Variants in LRCH3 observed in about 807,000 individuals in gnomAD.
LRCH3 encodes leucine rich repeats and calponin homology domain containing 3.
A neutral mutation model predicts 104.5 loss-of-function variants in LRCH3; 68 were observed. That is an observed-to-expected ratio of 0.65 (90% CI 0.54 to 0.80). The LOEUF (loss-of-function observed/expected upper bound fraction) is 0.80, where lower values mean the gene tolerates loss of function less well. Among genes scored for constraint, LRCH3 ranks in the 30% least tolerant of loss-of-function variants. The pLI is 0.00. For synonymous variants in LRCH3, 344 were observed against 361.3 expected (o/e 0.95, Z 0.54); for missense variants, 951 against 953.9 (o/e 1.00, Z 0.04).
intron 8 of LRCH3, among the ~76,000 whole-genome samples, chr3:197,832,723 C>G (rs890529568): frequency 6.7e-6 from 1 of 148,830 alleles, no homozygotes; most frequent in Non-Finnish European, 1.5e-5. Context: ...TTTTCTTCAC[C>G]TGGAATTGTC....
intron 4 of LRCH3, among the ~76,000 whole-genome samples, chr3:197,820,662 A>G (rs866591386): frequency 6.6e-6 from 1 of 152,216 alleles, no homozygotes; most frequent in Non-Finnish European, 1.5e-5. Flanking sequence ...TTAACAAATT[A>G]GCCCAGGGGG....
intron 10 of LRCH3, among the ~76,000 whole-genome samples, chr3:197,846,544 T>TAAA (rs74615885): frequency 7.4e-6 from 1 of 135,840 alleles, no homozygotes. Context: ...ACAGAAAAAT[T>TAAA]AAAAAAAAAA....
At chr3:197,852,683 T>C in intron 13 of LRCH3, 63 bp downstream of exon 13, 1 of 1,497,564 alleles carries the variant, frequency 6.7e-7, no homozygotes, top group Non-Finnish European at 9.3e-7. Context: ...ATGAAATGTT[T>C]ACATGTAATT....
chr3:197,844,881 A>G (rs1237746738), intron 10 of LRCH3, among the ~76,000 whole-genome samples: 3 of 151,936 alleles, frequency 2.0e-5, no homozygotes, highest in African/African-American at 7.3e-5. Flanking sequence ...CGGCCTCCCA[A>G]AGAAGTGCTG....
At chr3:197,861,816 C>T (rs945850759) in intron 15 of LRCH3, among the ~76,000 whole-genome samples, 1 of 151,996 alleles carries the variant, frequency 6.6e-6, no homozygotes, top group African/African-American at 2.4e-5. Flanking sequence ...CAAGAGTTCC[C>T]AAATGTAGTT....
At chr3:197,847,054 G>C (rs1189719550) in intron 10 of LRCH3, among the ~76,000 whole-genome samples, 1 of 152,170 alleles carries the variant, frequency 6.6e-6, no homozygotes, top group Non-Finnish European at 1.5e-5. Context: ...AAGGATCTCA[G>C]TTTACATGTA....
At chr3:197,882,633 CT>C (rs72150615) in intron 20 of LRCH3, 116,707 of 970,468 alleles carry the variant, frequency 0.12, 8,652 homozygotes, top group African/African-American at 0.33. Flanking sequence ...AATCTCTTTT[CT>C]TTTTGGAATA....
chr3:197,827,640 T>C (rs1309882554), intron 5 of LRCH3, among the ~76,000 whole-genome samples: 1 of 152,232 alleles, frequency 6.6e-6, no homozygotes, highest in African/African-American at 2.4e-5. Context: ...TTCCTTTCTC[T>C]AAATTGGTAT....
At chr3:197,803,884 A>G (rs1029430051) in intron 1 of LRCH3, among the ~76,000 whole-genome samples, 4 of 152,212 alleles carry the variant, frequency 2.6e-5, no homozygotes, top group Admixed American at 2.6e-4. Flanking sequence ...GGTCTCAGTA[A>G]GTAAATAATT....
intron 1 of LRCH3, among the ~76,000 whole-genome samples, chr3:197,812,503 A>ATTTTTTTTTTTTTTTT: frequency 1.2e-4 from 1 of 8,590 alleles, no homozygotes; most frequent in Admixed American, 1.4e-3. Flanking sequence ...CTCTGCTTTC[A>ATTTTTTTTTTTTTTTT]GTTTTTTTTT....
chr3:197,872,710 G>A (rs961873984), intron 19 of LRCH3, among the ~76,000 whole-genome samples: 1 of 152,016 alleles, frequency 6.6e-6, no homozygotes, highest in East Asian at 1.9e-4. Flanking sequence ...TACAAAATTA[G>A]CCAGGAGTGG....
chr3:197,808,432 C>T (rs1477190641), intron 1 of LRCH3, among the ~76,000 whole-genome samples: 2 of 152,136 alleles, frequency 1.3e-5, no homozygotes, highest in Admixed American at 1.3e-4. Context: ...TTTTAAGATT[C>T]CTTTCTTTCA....
rs1425911096 is a variant in LRCH3, at chr3:197,871,412, C to T, written c.2080C>T (p.His694Tyr). The T allele has an allele frequency of 6.2e-7, 1 of 1,614,018 alleles. No homozygotes were observed. The highest frequency in any genetic ancestry group is 1.3e-5 in the African/African-American group (1 of 74,906). ...DGVVLCHLAN[H>Y]VRPRSVPSIH... ...TGTTGTTCTTTGCCATTTGGCCAAT[C>T]ATGTGCGACCTCGATCTGTCCCAAG... Residue 694 changes from histidine to tyrosine, a missense_variant, in exon 19 of 21, where the codon CAT (histidine) becomes TAT (tyrosine). Transcript: ENST00000425562.
intron 1 of LRCH3, among the ~76,000 whole-genome samples, chr3:197,796,332 G>T (rs1377680545): frequency 6.6e-6 from 1 of 152,090 alleles, no homozygotes; most frequent in Non-Finnish European, 1.5e-5. Context: ...CATTATGCTG[G>T]GTAATGTAGA....
intron 15 of LRCH3, 73 bp from the exon 16 acceptor site, chr3:197,865,350 T>C: frequency 8.9e-7 from 1 of 1,123,980 alleles, no homozygotes; most frequent in Non-Finnish European, 1.3e-6. Flanking sequence ...TTTTATAATT[T>C]CAAAATTACC....
At chr3:197,802,772 G>C (rs555502073) in intron 1 of LRCH3, among the ~76,000 whole-genome samples, 1 of 152,114 alleles carries the variant, frequency 6.6e-6, no homozygotes, top group Non-Finnish European at 1.5e-5. Context: ...GTTTGTTGGC[G>C]TATAACTTTT....
rs572401089 is a variant in LRCH3, at chr3:197,869,060, C to A, written c.1874-1100C>A. Among the ~76,000 whole-genome samples, 5 of 152,344 alleles carry A rather than the reference C, an allele frequency of 3.3e-5. No individual in the cohort carries two copies. In the South Asian group the frequency reaches 8.3e-4, roughly 25 times the overall value. On this transcript the variant is annotated intron_variant, in intron 17 of 20. Coordinates refer to ENST00000425562, the MANE Select transcript of LRCH3 (RefSeq NM_001365715.1). ...ACATTACATATTTTTCTATACTATT[C>A]TCTGTTGTGTATATTTGAAAATCTC...
chr3:197,821,485 C>T (rs990045131), intron 4 of LRCH3, among the ~76,000 whole-genome samples: 2 of 152,180 alleles, frequency 1.3e-5, no homozygotes, highest in African/African-American at 4.8e-5. Flanking sequence ...TAAGAGTCAT[C>T]AGCTCATGGC....
chr3:197,850,565 G>A (rs1739446447), intron 12 of LRCH3: 4 of 1,587,008 alleles, frequency 2.5e-6, no homozygotes, highest in Non-Finnish European at 2.6e-6. Context: ...CATGAGCTCT[G>A]TAGGTCCGGC....
Sources: gnomAD v4.1 joint callset for allele counts (sites outside exome capture counted in the v4.1 genomes callset) on GRCh38, gnomAD v4.1.1 for gene constraint, MANE v1.5 for transcripts, NCBI Gene and HGNC (gene_info 2026-07-23, HGNC 2026-07-21) for gene names.